CHD9: variants seen among roughly 807,000 people sequenced by gnomAD.
CHD9 encodes the protein chromodomain helicase DNA binding protein 9, also known as ATP-dependent chromatin remodeler CHD9.
Under a neutral mutation model 316.1 loss-of-function variants are expected in CHD9, and 77 were observed. The observed-to-expected ratio is 0.24, with a 90% confidence interval of 0.20 to 0.29. CHD9 has a LOEUF of 0.29. CHD9 is among the 10% of genes least tolerant of loss of function. The probability of loss-of-function intolerance (pLI) is 1.00; values close to 1 mark genes in which losing one functional copy is unlikely to be tolerated. For missense variants in CHD9, 2,763 were observed against 3,438.1 expected, an observed-to-expected ratio of 0.80 and a Z score of 4.91; for synonymous variants, 1,129 against 1,158.3, an observed-to-expected ratio of 0.97 and a Z score of 0.51.
At chr16:53,289,573 A>G (rs751956829) in intron 27 of CHD9, among the ~76,000 whole-genome samples, 4 of 152,256 alleles carry the variant, frequency 2.6e-5, no homozygotes, top group Admixed American at 6.5e-5. Context: ...TGGACCAATC[A>G]GGAGAGATAA....
At chr16:53,206,199 C>T (rs372842574) in intron 2 of CHD9, among the ~76,000 whole-genome samples, 51 of 152,108 alleles carry the variant, frequency 3.4e-4, no homozygotes, top group African/African-American at 1.2e-3. Context: ...GTGATCCGCC[C>T]ACCTCGGCCT....
intron 2 of CHD9, among the ~76,000 whole-genome samples, chr16:53,167,341 T>G (rs547627449): frequency 5.3e-4 from 80 of 152,266 alleles, no homozygotes; most frequent in African/African-American, 1.9e-3. Context: ...GCTCTTCTAT[T>G]TGTTCAGTAT....
At chr16:53,147,532 T>C (rs1024536837) in intron 1 of CHD9, among the ~76,000 whole-genome samples, 1 of 152,132 alleles carries the variant, frequency 6.6e-6, no homozygotes, top group African/African-American at 2.4e-5. Context: ...CTAGCCCCAA[T>C]AACCTCTAAT....
At chr16:53,135,521 G>A (rs1297315007) in intron 1 of CHD9, among the ~76,000 whole-genome samples, 1 of 152,178 alleles carries the variant, frequency 6.6e-6, no homozygotes, top group Admixed American at 6.5e-5. Context: ...TGATGGATTG[G>A]ATGTGAGAAG....
chr16:53,132,745 C>A (rs1386328192), intron 1 of CHD9, among the ~76,000 whole-genome samples: 1 of 138,064 alleles, frequency 7.2e-6, no homozygotes, highest in Admixed American at 7.4e-5. Context: ...GAAGCAAGTT[C>A]TGTCTGTATT....
chr16:53,112,464 C>G (rs1015462113), intron 1 of CHD9, among the ~76,000 whole-genome samples: 21 of 152,104 alleles, frequency 1.4e-4, no homozygotes, highest in African/African-American at 4.8e-4. Flanking sequence ...TGTTGATCTA[C>G]CTGTTGTTCT....
intron 1 of CHD9, among the ~76,000 whole-genome samples, chr16:53,093,623 C>T (rs1374428234): frequency 6.6e-6 from 1 of 152,194 alleles, no homozygotes; most frequent in Non-Finnish European, 1.5e-5. Flanking sequence ...GTTTGATAAG[C>T]ACTTTCTTCC....
At chr16:53,182,963 A>G (rs933765345) in intron 2 of CHD9, among the ~76,000 whole-genome samples, 16 of 152,204 alleles carry the variant, frequency 1.1e-4, no homozygotes, top group African/African-American at 3.4e-4. Flanking sequence ...GTGAGACTAT[A>G]TATTAGCTAA....
At chr16:53,268,202 A>G in intron 22 of CHD9, 76 bp downstream of exon 22, 1 of 1,013,648 alleles carries the variant, frequency 9.9e-7, no homozygotes, top group Non-Finnish European at 1.4e-6. Context: ...TCTCCTATAA[A>G]ATATAAAAGC....
intron 22 of CHD9, among the ~76,000 whole-genome samples, chr16:53,271,894 G>A (rs1010251975): frequency 1.3e-5 from 2 of 152,098 alleles, no homozygotes; most frequent in South Asian, 2.1e-4. Flanking sequence ...GTATTTTTAA[G>A]TATGTACTAT....
Position 53,157,179 on chromosome 16 carries a change from C to G in CHD9, c.1090C>G (p.Pro364Ala). ...LSPVHMNFPD[P>A]VDSGTQMGHF... ...TCCTGTGCACATGAACTTCCCAGAT[C>G]CTGTTGACTCAGGAACTCAAATGGG... Residue 364 changes from proline (P) to alanine (A), a missense_variant, in exon 2 of 39, where the codon CCT becomes GCT. Pro to Ala is a conservative substitution (Grantham distance 27). Transcript: ENST00000447540. The G allele has an allele frequency of 2.5e-6, 4 of 1,608,582 alleles. No individual in the cohort carries two copies. Among genetic ancestry groups the G allele is most frequent in the Non-Finnish European group, 3.4e-6 (4 of 1,176,942 alleles).
At chr16:53,059,185 T>A (rs1365942300) in intron 1 of CHD9, among the ~76,000 whole-genome samples, 1 of 152,064 alleles carries the variant, frequency 6.6e-6, no homozygotes, top group Non-Finnish European at 1.5e-5. Context: ...GGGCTGGAGG[T>A]TTGGTTTGTT....
At chr16:53,108,541 T>G (rs1003452666) in intron 1 of CHD9, among the ~76,000 whole-genome samples, 1 of 148,262 alleles carries the variant, frequency 6.7e-6, no homozygotes, top group Non-Finnish European at 1.5e-5. Context: ...GATAGATAGA[T>G]AGATAGATAG....
chr16:53,273,108 CA>C (rs200694504), intron 22 of CHD9, among the ~76,000 whole-genome samples: 1 of 150,366 alleles, frequency 6.7e-6, no homozygotes, highest in African/African-American at 2.4e-5. Flanking sequence ...AACAAAACAA[CA>C]AAAAAAAACT....
intron 3 of CHD9, among the ~76,000 whole-genome samples, chr16:53,212,183 C>A (rs923592639): frequency 6.6e-6 from 1 of 151,948 alleles, no homozygotes; most frequent in African/African-American, 2.4e-5. Context: ...GGGCGGATCA[C>A]GAGGTCAGGA....
intron 24 of CHD9, among the ~76,000 whole-genome samples, chr16:53,278,583 C>A (rs2053098494): frequency 1.3e-5 from 2 of 152,054 alleles, no homozygotes; most frequent in South Asian, 4.1e-4. Flanking sequence ...ATCCTCTTTT[C>A]TCACCTTATA....
intron 1 of CHD9, among the ~76,000 whole-genome samples, chr16:53,145,244 C>T (rs901223843): frequency 6.6e-6 from 1 of 151,488 alleles, no homozygotes; most frequent in Non-Finnish European, 1.5e-5. Flanking sequence ...CTCCGCCTCC[C>T]GGGTTCAAAT....
chr16:53,061,674 T>C (rs1039013805), intron 1 of CHD9, among the ~76,000 whole-genome samples: 1 of 152,128 alleles, frequency 6.6e-6, no homozygotes, highest in Non-Finnish European at 1.5e-5. Context: ...GAGACTGGGG[T>C]ATATCCTCGA....
intron 34 of CHD9, among the ~76,000 whole-genome samples, chr16:53,313,887 A>G (rs2056674967): frequency 6.6e-6 from 1 of 151,424 alleles, no homozygotes. Context: ...CAGGGGGCGG[A>G]GCTTGCAGTG....
Sources: allele counts gnomAD v4.1 joint callset (sites outside exome capture counted in the v4.1 genomes callset), GRCh38; gene constraint gnomAD v4.1.1; transcripts MANE v1.5; gene names NCBI Gene and HGNC (gene_info 2026-07-23, HGNC 2026-07-21).